The following MPPED1 variants were observed in gnomAD, a reference collection of about 807,000 sequenced individuals.
MPPED1 encodes metallophosphoesterase domain-containing protein 1.
In MPPED1, 16 loss-of-function variants were observed where a neutral mutation model predicts 36.2. The observed-to-expected ratio is 0.44, with a 90% CI of 0.30 to 0.67. The LOEUF is 0.67. Ranked by LOEUF, MPPED1 falls within the 30% of genes least tolerant of loss-of-function variation. The pLI, the probability that MPPED1 is intolerant of heterozygous loss-of-function variation, is 0.10. For missense variants in MPPED1, 307 were observed against 453.4 expected (o/e 0.68, Z 2.93); for synonymous variants, 199 against 191.3 (o/e 1.04, Z -0.33).
intron 5 of MPPED1, among the ~76,000 whole-genome samples, chr22:43,500,820 T>G (rs1251910209): frequency 2.0e-5 from 3 of 152,020 alleles, no homozygotes; most frequent in East Asian, 1.9e-4. Flanking sequence ...TGAGGGAAGC[T>G]TGAGGAGTCA....
chr22:43,474,654 C>T lies in MPPED1; in HGVS notation c.407-82C>T. On this transcript the variant is annotated intron_variant, in intron 3 of 6. Transcript: ENST00000443721. This position sits in a 1 kb window ranked among gnomAD's most constrained non-coding sequence, Gnocchi z 5.2. ...AGGAGTTCATGCAGCTTCCTCCTGC[C>T]CGCCCCTCTCTCAGCCGTGCTGTGG... 2 of 1,566,924 alleles carry T rather than the reference C, an allele frequency of 1.3e-6. No homozygotes were observed. The highest frequency in any genetic ancestry group is 1.8e-6 in the Non-Finnish European group (2 of 1,141,856).
intron 1 of MPPED1, among the ~76,000 whole-genome samples, chr22:43,423,223 G>C (rs374443502): frequency 6.6e-6 from 1 of 152,176 alleles, no homozygotes; most frequent in Non-Finnish European, 1.5e-5. Context: ...AGCCATGCTG[G>C]GGCTTGACCC....
chr22:43,434,954 G>A (rs1311812079), intron 2 of MPPED1, 80 bp from the exon 3 acceptor site: 6 of 1,448,222 alleles, frequency 4.1e-6, no homozygotes, highest in Non-Finnish European at 5.7e-6. Flanking sequence ...GTGAGCTGTG[G>A]TGGATGGGGC....
intron 3 of MPPED1, among the ~76,000 whole-genome samples, chr22:43,465,792 A>G (rs1480343517): frequency 6.6e-6 from 1 of 152,186 alleles, no homozygotes; most frequent in Non-Finnish European, 1.5e-5. Flanking sequence ...GGAACAGCAG[A>G]TGCGGATGCC....
chr22:43,414,983 A>T (rs2146807881), intron 1 of MPPED1, among the ~76,000 whole-genome samples: 1 of 152,112 alleles, frequency 6.6e-6, no homozygotes, highest in East Asian at 1.9e-4. Context: ...TGGGCGCCTC[A>T]CCCTCTAGGA....
intron 3 of MPPED1, among the ~76,000 whole-genome samples, chr22:43,436,056 C>T (rs778398602): frequency 1.3e-5 from 2 of 152,144 alleles, no homozygotes; most frequent in African/African-American, 2.4e-5. Context: ...CCATGCACTG[C>T]GCCATGGTGG....
chr22:43,467,733 C>T (rs542889607), intron 3 of MPPED1, among the ~76,000 whole-genome samples: 1 of 152,176 alleles, frequency 6.6e-6, no homozygotes, highest in Non-Finnish European at 1.5e-5. Context: ...CTGCTGTGTT[C>T]TGCGAGATGG....
chr22:43,419,324 C>T (rs138563380), intron 1 of MPPED1: 1 of 152,192 alleles, frequency 6.6e-6, no homozygotes, highest in African/African-American at 2.4e-5. Context: ...GGCTCCTGAC[C>T]CAGCCAGGGG....
chr22:43,480,269 A>G (rs1333292126), intron 4 of MPPED1, among the ~76,000 whole-genome samples: 2 of 152,088 alleles, frequency 1.3e-5, no homozygotes, highest in African/African-American at 2.4e-5. Context: ...AGGGCCTATA[A>G]CTACTGGGGG....
chr22:43,476,445 G>A (rs576578673), intron 4 of MPPED1, among the ~76,000 whole-genome samples: 1 of 152,138 alleles, frequency 6.6e-6, no homozygotes, highest in Non-Finnish European at 1.5e-5. Flanking sequence ...CACAGTCAGC[G>A]AGGCTAAGGA....
At chr22:43,466,289 G>C (rs867675650) in intron 3 of MPPED1, among the ~76,000 whole-genome samples, 6 of 152,128 alleles carry the variant, frequency 3.9e-5, no homozygotes, top group Admixed American at 1.3e-4. Flanking sequence ...CAGCTCATTG[G>C]GGGGTCTGCC....
intron 4 of MPPED1, among the ~76,000 whole-genome samples, chr22:43,492,578 C>T (rs949991484): frequency 2.0e-5 from 3 of 152,150 alleles, no homozygotes; most frequent in Non-Finnish European, 4.4e-5. Flanking sequence ...CTTCTGTGCC[C>T]TGCCCCTCAC....
chr22:43,447,665 G>T (rs1245944371), intron 3 of MPPED1, among the ~76,000 whole-genome samples: 1 of 151,102 alleles, frequency 6.6e-6, no homozygotes, highest in Non-Finnish European at 1.5e-5. Context: ...TTATCCTCAC[G>T]ACTGGCCTAT....
At chr22:43,426,305 T>C (rs1270565348) in intron 2 of MPPED1, among the ~76,000 whole-genome samples, 1 of 151,996 alleles carries the variant, frequency 6.6e-6, no homozygotes, top group Admixed American at 6.6e-5. Context: ...TGTTGTACCT[T>C]CACCCGGCCA....
chr22:43,434,975 C>A, intron 2 of MPPED1, 59 bp from the exon 3 acceptor site: 1 of 1,558,106 alleles, frequency 6.4e-7, no homozygotes, highest in South Asian at 1.2e-5. Context: ...TGCAGACACA[C>A]CACCCGCAGG....
chr22:43,420,320 A>T (rs1929221590), intron 1 of MPPED1, among the ~76,000 whole-genome samples: 1 of 152,034 alleles, frequency 6.6e-6, no homozygotes, highest in Non-Finnish European at 1.5e-5. Flanking sequence ...GGCCTCAGGG[A>T]CTTAGCACTT....
intron 3 of MPPED1, among the ~76,000 whole-genome samples, chr22:43,441,190 C>G (rs999898016): frequency 1.3e-5 from 2 of 152,206 alleles, no homozygotes; most frequent in African/African-American, 4.8e-5. Context: ...CTGACCCATC[C>G]CCTTAGGCTA....
intron 4 of MPPED1, among the ~76,000 whole-genome samples, chr22:43,489,514 T>C (rs1932018060): frequency 1.3e-5 from 2 of 148,236 alleles, no homozygotes; most frequent in Admixed American, 6.7e-5. Flanking sequence ...ACTCCTCCTG[T>C]CCCCTGACAT....
chr22:43,505,440 C>T lies in MPPED1; in HGVS notation c.863-58C>T, dbSNP rs140244140. 4.9e-3 allele frequency: 7,346 copies of T among 1,494,946 alleles called. 477 individuals carry two copies. In the Admixed American group the frequency reaches 0.11, roughly 23 times the overall value. 92.6% of individuals were successfully genotyped at this position (1,494,946 alleles called of 1,614,324 possible). Reference sequence around the variant, plus strand: ...TGAGTGCCCTATGACTGCCACACCCCCCTGGCCACCCTCACTACTCTGGCT... The same window carrying T: ...TGAGTGCCCTATGACTGCCACACCCTCCTGGCCACCCTCACTACTCTGGCT... On this transcript the variant is annotated intron_variant, in intron 6 of 6. Coordinates refer to ENST00000443721, the MANE Select transcript of MPPED1 (RefSeq NM_001044370.2).
Sources: allele counts gnomAD v4.1 joint callset (sites outside exome capture counted in the v4.1 genomes callset), GRCh38; gene constraint gnomAD v4.1.1; non-coding constraint Gnocchi (gnomAD v3.1); transcripts MANE v1.5; gene names NCBI Gene and HGNC (gene_info 2026-07-23, HGNC 2026-07-21).